The following TLK1 variants were observed in gnomAD, a reference collection of about 807,000 sequenced individuals.
TLK1 encodes tousled like kinase 1, also known as serine/threonine-protein kinase tousled-like 1.
Under a neutral mutation model 105.3 loss-of-function variants are expected in TLK1, and 24 were observed. The ratio of observed to expected loss-of-function variants is 0.23; its 90% CI spans 0.17 to 0.32. The LOEUF is 0.32. Among genes scored for constraint, TLK1 ranks in the 10% least tolerant of loss-of-function variants. TLK1 has a pLI of 1.00. For missense variants in TLK1, 558 were observed against 910.5 expected (o/e 0.61, Z 4.98); for synonymous variants, 321 against 310.4 (o/e 1.03, Z -0.36).
intron 10 of TLK1, among the ~76,000 whole-genome samples, chr2:171,047,184 T>C (rs1687002967): frequency 1.3e-5 from 2 of 152,208 alleles, no homozygotes; most frequent in African/African-American, 4.8e-5. Flanking sequence ...ATAGATACCA[T>C]GTCTATTATT....
Position 171,049,939 on chromosome 2 carries a change from T to G in TLK1, c.855A>C (p.Glu285Asp). ...TACTCTTCTCTCTGCTTGACAGCTTTTCTTGTGTACTCTGAAAAGGAGAAA... is the reference window on the plus strand; with the variant it reads ...TACTCTTCTCTCTGCTTGACAGCTTGTCTTGTGTACTCTGAAAAGGAGAAA... ...KKLLIEKSTQ[E>D]KLSSREKSMQ... The change falls in exon 10 of 21, where the codon GAA (glutamate) becomes GAC (aspartate). Residue 285 changes from glutamate to aspartate, a missense_variant. Physicochemically the swap from Glu to Asp is conservative, Grantham distance 45. Transcript: ENST00000431350. The G allele has an allele frequency of 1.2e-6, 2 of 1,610,566 alleles. No homozygotes were observed. The highest frequency in any genetic ancestry group is 1.7e-6 in the Non-Finnish European group (2 of 1,178,220).
intron 4 of TLK1, chr2:171,059,994 A>T (rs751706484): frequency 1.2e-6 from 2 of 1,612,432 alleles, no homozygotes; most frequent in Admixed American, 3.3e-5. Context: ...ACCCTGCAGA[A>T]GATGAGAGGA....
intron 12 of TLK1, among the ~76,000 whole-genome samples, chr2:171,015,698 C>T (rs1194178905): frequency 6.7e-6 from 1 of 149,120 alleles, no homozygotes; most frequent in Admixed American, 6.6e-5. Flanking sequence ...TACACACACA[C>T]ATATACACAC....
intron 1 of TLK1, 69 bp from the exon 2 acceptor site, chr2:171,117,926 T>C: frequency 2.9e-6 from 3 of 1,041,128 alleles, no homozygotes; most frequent in Non-Finnish European, 4.0e-6. Flanking sequence ...CACACACAAA[T>C]ATATATATGT....
intron 18 of TLK1, among the ~76,000 whole-genome samples, chr2:170,999,972 G>A (rs989248919): frequency 2.0e-5 from 3 of 152,044 alleles, no homozygotes; most frequent in African/African-American, 7.2e-5. Flanking sequence ...TGTTGCCCAG[G>A]TTGGTCTTCA....
chr2:171,067,782 C>T (rs36058634), intron 3 of TLK1, among the ~76,000 whole-genome samples: 52,185 of 151,706 alleles, frequency 0.34, 9,368 homozygotes, highest in African/African-American at 0.38. Flanking sequence ...TCAAAACAGG[C>T]CCTGTTATGT....
intron 2 of TLK1, among the ~76,000 whole-genome samples, chr2:171,090,337 A>G (rs1689172204): frequency 1.3e-5 from 2 of 149,110 alleles, no homozygotes; most frequent in African/African-American, 5.1e-5. Context: ...TTTATAATCA[A>G]TGACCTTAAC....
At chr2:171,225,923 GT>G (rs753100397) in intron 1 of TLK1, among the ~76,000 whole-genome samples, 25 of 152,270 alleles carry the variant, frequency 1.6e-4, no homozygotes, top group Admixed American at 5.2e-4. Flanking sequence ...GTCATGGGCT[GT>G]AGTTGCTTCT....
At chr2:171,206,019 T>C (rs937302308) in intron 1 of TLK1, among the ~76,000 whole-genome samples, 1 of 152,202 alleles carries the variant, frequency 6.6e-6, no homozygotes, top group African/African-American at 2.4e-5. Flanking sequence ...AGAAAGCTAC[T>C]GCAGTAAATG....
chr2:171,214,304 T>G (rs1049929369), intron 1 of TLK1, among the ~76,000 whole-genome samples: 5 of 152,178 alleles, frequency 3.3e-5, no homozygotes, highest in African/African-American at 1.2e-4. Context: ...CACGTAACCC[T>G]TCTGCACCTC....
intron 2 of TLK1, among the ~76,000 whole-genome samples, chr2:171,099,267 C>CA (rs569367071): frequency 1.4e-4 from 21 of 151,960 alleles, no homozygotes; most frequent in South Asian, 1.2e-3. Flanking sequence ...ACAATACTAT[C>CA]AAAAAAATAA....
chr2:171,111,808 T>G (rs1281510921), intron 2 of TLK1, among the ~76,000 whole-genome samples: 1 of 152,222 alleles, frequency 6.6e-6, no homozygotes. Flanking sequence ...TTAAGAGGAA[T>G]GTAGATTACA....
chr2:171,090,409 CATGTT>C (rs934185992), intron 2 of TLK1, among the ~76,000 whole-genome samples: 1 of 151,780 alleles, frequency 6.6e-6, no homozygotes, highest in African/African-American at 2.4e-5. Context: ...AGATCATAAT[CATGTT>C]ATGGGGATAA....
intron 2 of TLK1, among the ~76,000 whole-genome samples, chr2:171,102,980 C>CA (rs1458728786): frequency 5.9e-5 from 9 of 151,978 alleles, no homozygotes; most frequent in African/African-American, 2.2e-4. Context: ...GGGGCAGTGA[C>CA]AAAGGTATTA....
intron 11 of TLK1, among the ~76,000 whole-genome samples, chr2:171,042,095 T>C (rs937931542): frequency 6.6e-6 from 1 of 152,164 alleles, no homozygotes. Flanking sequence ...TCAACATATG[T>C]AATAAAATGG....
At chr2:171,024,830 T>C (rs2105387832) in intron 12 of TLK1, among the ~76,000 whole-genome samples, 1 of 152,298 alleles carries the variant, frequency 6.6e-6, no homozygotes. Flanking sequence ...AAAATGGGAA[T>C]TTGAATTATG....
chr2:171,203,616 A>G (rs1693443316), intron 1 of TLK1, among the ~76,000 whole-genome samples: 2 of 152,202 alleles, frequency 1.3e-5, no homozygotes, highest in African/African-American at 4.8e-5. Context: ...GGTGGCTAAC[A>G]CATTTTGGCT....
chr2:171,176,592 A>G (rs561928027), intron 1 of TLK1, among the ~76,000 whole-genome samples: 1 of 152,328 alleles, frequency 6.6e-6, no homozygotes, highest in South Asian at 2.1e-4. Flanking sequence ...TCTGCTACGC[A>G]TTAAAAGCAT....
chr2:171,157,948 CG>C (rs1332098685), intron 1 of TLK1, among the ~76,000 whole-genome samples: 1 of 152,126 alleles, frequency 6.6e-6, no homozygotes, highest in Non-Finnish European at 1.5e-5. Context: ...TTAATATTAA[CG>C]GTTCTTACTA....
Sources: allele counts gnomAD v4.1 joint callset (sites outside exome capture counted in the v4.1 genomes callset), GRCh38; gene constraint gnomAD v4.1.1; transcripts MANE v1.5; gene names NCBI Gene and HGNC (gene_info 2026-07-23, HGNC 2026-07-21).